The following PLCB1 variants were observed in gnomAD, a reference collection of about 807,000 sequenced individuals.
PLCB1 encodes the protein 1-phosphatidylinositol 4,5-bisphosphate phosphodiesterase beta-1.
PLCB1 carries 46 observed loss-of-function variants against 161.8 expected under a neutral mutation model. That is an observed-to-expected ratio of 0.28 (90% CI 0.22 to 0.36). PLCB1 has a LOEUF of 0.36. PLCB1 is among the 10% of genes least tolerant of loss of function. PLCB1 has a pLI of 1.00. For missense variants in PLCB1, 1,016 were observed against 1,472.5 expected, an observed-to-expected ratio of 0.69 and a Z score of 5.07; for synonymous variants, 517 against 503.7, an observed-to-expected ratio of 1.03 and a Z score of -0.35.
At chr20:8,389,997 T>A (rs573337282) in intron 3 of PLCB1, among the ~76,000 whole-genome samples, 3 of 152,306 alleles carry the variant, frequency 2.0e-5, no homozygotes, top group South Asian at 4.1e-4. Context: ...CAGAAAAGCA[T>A]TGAGAATTTT....
intron 2 of PLCB1, among the ~76,000 whole-genome samples, chr20:8,264,620 C>T (rs1013545584): frequency 6.6e-6 from 1 of 152,082 alleles, no homozygotes; most frequent in South Asian, 2.1e-4. Flanking sequence ...CATGACATCA[C>T]TAGGTTATAG....
At chr20:8,249,189 G>T (rs751831521) in intron 2 of PLCB1, among the ~76,000 whole-genome samples, 1 of 151,952 alleles carries the variant, frequency 6.6e-6, no homozygotes, top group South Asian at 2.1e-4. Context: ...CCAAGTGTTC[G>T]ATTTACATAA....
Position 8,788,737 on chromosome 20 carries a change from TC to T in PLCB1, c.3278+19del. On this transcript the variant is annotated intron_variant, in intron 29 of 31. Transcript: ENST00000338037. ...CAGATGGAAGAGTAAGTCAAAAGTG[TC>T]CCCTCTCCCAAACAGTTCATCTGGG... The T allele has an allele frequency of 2.0e-6, 3 of 1,506,920 alleles. No individual in the cohort carries two copies. The highest frequency in any genetic ancestry group is 2.8e-6 in the Non-Finnish European group (3 of 1,088,988). 93.3% of individuals were successfully genotyped at this position (1,506,920 alleles called of 1,614,324 possible).
intron 2 of PLCB1, among the ~76,000 whole-genome samples, chr20:8,150,702 G>T (rs2051500633): frequency 1.3e-5 from 2 of 152,090 alleles, no homozygotes; most frequent in Non-Finnish European, 2.9e-5. Flanking sequence ...CACCCATAAA[G>T]GATGAAGAAA....
chr20:8,146,090 GTTTTTGTTTTTTTTGT>G (rs2051450426), intron 1 of PLCB1, among the ~76,000 whole-genome samples: 1 of 124,380 alleles, frequency 8.0e-6, no homozygotes, highest in African/African-American at 3.5e-5. Context: ...TCTTCTTACT[GTTTTTGTTTTTTTTGT>G]TTTTTTTTTT....
At chr20:8,185,310 C>G (rs1473282589) in intron 2 of PLCB1, among the ~76,000 whole-genome samples, 1 of 152,118 alleles carries the variant, frequency 6.6e-6, no homozygotes, top group Non-Finnish European at 1.5e-5. Flanking sequence ...GGTTAGTCAG[C>G]TGAGCTGCTT....
intron 3 of PLCB1, among the ~76,000 whole-genome samples, chr20:8,448,254 C>T (rs1480403117): frequency 1.3e-5 from 2 of 152,200 alleles, no homozygotes; most frequent in African/African-American, 4.8e-5. Context: ...TCTTTTGGCC[C>T]TTTCTGCTAG....
chr20:8,607,344 C>T (rs1012788952), intron 3 of PLCB1, among the ~76,000 whole-genome samples: 1 of 152,150 alleles, frequency 6.6e-6, no homozygotes, highest in Non-Finnish European at 1.5e-5. Flanking sequence ...CATTTCACTC[C>T]CCTGCATTAA....
At chr20:8,253,152 A>G (rs566467649) in intron 2 of PLCB1, among the ~76,000 whole-genome samples, 1 of 152,030 alleles carries the variant, frequency 6.6e-6, no homozygotes, top group African/African-American at 2.4e-5. Context: ...TTGAAACGAC[A>G]GAAACTCTTG....
At chr20:8,644,128 G>C (rs1259683631) in intron 4 of PLCB1, among the ~76,000 whole-genome samples, 1 of 152,158 alleles carries the variant, frequency 6.6e-6, no homozygotes, top group African/African-American at 2.4e-5. Context: ...GTGCAGTGGC[G>C]TGATCTCGGC....
intron 3 of PLCB1, among the ~76,000 whole-genome samples, chr20:8,563,199 G>T (rs147778848): frequency 8.1e-4 from 123 of 152,120 alleles, no homozygotes; most frequent in African/African-American, 2.8e-3. Flanking sequence ...GAACAAAAAA[G>T]TTTGCTTAAG....
chr20:8,483,567 G>A (rs1487612330), intron 3 of PLCB1, among the ~76,000 whole-genome samples: 1 of 152,148 alleles, frequency 6.6e-6, no homozygotes, highest in Non-Finnish European at 1.5e-5. Context: ...ATAAGTACTT[G>A]AACAGACAGT....
chr20:8,823,989 C>T (rs766584107), intron 31 of PLCB1, among the ~76,000 whole-genome samples: 2 of 152,086 alleles, frequency 1.3e-5, no homozygotes, highest in African/African-American at 2.4e-5. Flanking sequence ...TTGGCAATGA[C>T]ACCCACTATA....
In PLCB1 at chr20:8,290,862, C is replaced by A. The variant is rs889370049; in HGVS notation, c.178-80520C>A. ...GTCCATCTTACATTTTATAATACAA[C>A]ACTGTATCACCATTTGGAAGAACAT... On this transcript the variant is annotated intron_variant, in intron 2 of 31. Transcript: ENST00000338037. 1.3e-5 allele frequency among the ~76,000 whole-genome samples: 2 copies of A among 152,024 alleles called. 1 individual carries two copies. Among genetic ancestry groups the A allele is most frequent in the South Asian group, 4.2e-4 (2 of 4,808 alleles).
At chr20:8,219,293 G>A (rs4816052) in intron 2 of PLCB1, among the ~76,000 whole-genome samples, 121,738 of 152,136 alleles carry the variant, frequency 0.8, 48,936 homozygotes, top group African/African-American at 0.85. Flanking sequence ...TTAAGAAATC[G>A]TATCAGTGGC....
chr20:8,714,158 G>T lies in PLCB1; in HGVS notation c.1251-2106G>T, dbSNP rs558398563. ...TTGAACACACACCAGAATCAAGAGG[G>T]CTTGTTATGATGCAGACTCCTGGAC... On this transcript the variant is annotated intron_variant, in intron 12 of 31. Coordinates refer to ENST00000338037, the MANE Select transcript of PLCB1 (RefSeq NM_015192.4). Among the ~76,000 whole-genome samples, 153 of 152,170 alleles carry T rather than the reference G, an allele frequency of 1.0e-3. 1 individual carries two copies. Among genetic ancestry groups the T allele is most frequent in the Non-Finnish European group, 6.0e-4 (41 of 67,990 alleles).
intron 2 of PLCB1, among the ~76,000 whole-genome samples, chr20:8,174,768 G>C (rs980635172): frequency 6.6e-6 from 1 of 152,078 alleles, no homozygotes; most frequent in Non-Finnish European, 1.5e-5. Flanking sequence ...ATTGTATTAG[G>C]CCAGGTGCAA....
chr20:8,303,022 AG>A (rs1414653865), intron 2 of PLCB1, among the ~76,000 whole-genome samples: 1 of 152,194 alleles, frequency 6.6e-6, no homozygotes, highest in Non-Finnish European at 1.5e-5. Context: ...TCAATGACAA[AG>A]CTTTGTGTAC....
intron 2 of PLCB1, among the ~76,000 whole-genome samples, chr20:8,174,641 A>G (rs1471058410): frequency 6.6e-6 from 1 of 152,052 alleles, no homozygotes; most frequent in Non-Finnish European, 1.5e-5. Context: ...ACTCAAGGCA[A>G]TGCTATTTAA....
Sources: allele counts gnomAD v4.1 joint callset (sites outside exome capture counted in the v4.1 genomes callset), GRCh38; gene constraint gnomAD v4.1.1; transcripts MANE v1.5; gene names NCBI Gene and HGNC (gene_info 2026-07-23, HGNC 2026-07-21).